Variants in PHF3 observed in about 807,000 individuals in gnomAD.
PHF3 encodes the protein PHD finger protein 3.
Under a neutral mutation model 178.4 loss-of-function variants are expected in PHF3, and 41 were observed. That is an observed-to-expected ratio of 0.23 (90% CI 0.18 to 0.30). PHF3 has a LOEUF of 0.30. PHF3 is among the 10% of genes least tolerant of loss of function. The pLI, the probability that PHF3 is intolerant of heterozygous loss-of-function variation, is 1.00. For missense variants in PHF3, 2,346 were observed against 2,398.1 expected, an observed-to-expected ratio of 0.98 and a Z score of 0.45; for synonymous variants, 842 against 800.5, an observed-to-expected ratio of 1.05 and a Z score of -0.88.
chr6:63,684,093 C>T, intron 3 of PHF3, 36 bp from the exon 4 acceptor site: 1 of 1,418,318 alleles, frequency 7.1e-7, no homozygotes, highest in Non-Finnish European at 9.6e-7. Context: ...GACAAAATAG[C>T]TAAGTATTTT....
At chr6:63,707,349 T>G (rs1238096642) in intron 13 of PHF3, among the ~76,000 whole-genome samples, 1 of 152,230 alleles carries the variant, frequency 6.6e-6, no homozygotes, top group Non-Finnish European at 1.5e-5. Flanking sequence ...AGTTGAAGCT[T>G]TACAGCTAGT....
At chr6:63,676,710 G>A (rs1056636280) in intron 2 of PHF3, among the ~76,000 whole-genome samples, 5 of 152,176 alleles carry the variant, frequency 3.3e-5, no homozygotes, top group Non-Finnish European at 5.9e-5. Context: ...AATGTGTTGG[G>A]AAGGTTTTAG....
intron 2 of PHF3, chr6:63,678,695 CCT>C (rs1485189639): frequency 3.4e-6 from 1 of 298,456 alleles, no homozygotes; most frequent in Non-Finnish European, 6.5e-6. Context: ...TCCATTCTTT[CCT>C]CTCTTTAAAT....
intron 13 of PHF3, among the ~76,000 whole-genome samples, chr6:63,707,773 AG>A (rs554107364): frequency 4.2e-4 from 64 of 151,166 alleles, no homozygotes; most frequent in Admixed American, 3.5e-3. Flanking sequence ...TCTTTGGATT[AG>A]GCTGCAATTA....
At chr6:63,677,741 C>G (rs1318381890) in intron 2 of PHF3, among the ~76,000 whole-genome samples, 1 of 152,162 alleles carries the variant, frequency 6.6e-6, no homozygotes, top group Non-Finnish European at 1.5e-5. Flanking sequence ...TAAAAAACAA[C>G]AGCAATGGCA....
At position 63,715,366 on chromosome 6, in the gene PHF3, A is replaced by G. The variant is rs1768154796; in HGVS notation, c.*1658A>G. The G allele has an allele frequency of 6.6e-6, 1 of 152,190 alleles. No individual in the cohort carries two copies. The highest frequency in any genetic ancestry group is 1.5e-5 in the Non-Finnish European group (1 of 68,034). 9.4% of individuals were successfully genotyped at this position (152,190 alleles called of 1,614,324 possible). ...AACAAAGTTAGTTCCCAAACAAAAC[A>G]AAATCTAAGTTATAATTTGCACCAT... On this transcript the variant is annotated 3_prime_UTR_variant, in exon 16 of 16. Transcript: ENST00000262043.
Position 63,685,432 on chromosome 6 carries a change from C to G in PHF3, c.1710C>G (p.Asn570Lys). The G allele has an allele frequency of 6.2e-7, 1 of 1,613,910 alleles. No homozygotes were observed. ...ATTCTGGGGTTAAATCTGTGAAAAA[C>G]CAAGCTCATTCTGTACTGAAAAAAA... ...SCNSGVKSVK[N>K]QAHSVLKKTL... Residue 570 changes from asparagine to lysine, a missense_variant, in exon 4 of 16, where the codon AAC becomes AAG. Physicochemically the swap from Asn to Lys is moderately conservative, Grantham distance 94 (BLOSUM62 0). Around this residue, in one of 8 missense-constraint regions of PHF3, gnomAD observed 843 missense variants for 795.2 expected, o/e 1.06. Coordinates refer to ENST00000262043, the MANE Select transcript of PHF3 (RefSeq NM_001370348.2).
chr6:63,656,049 A>T (rs764776610), intron 2 of PHF3, among the ~76,000 whole-genome samples: 1 of 152,264 alleles, frequency 6.6e-6, no homozygotes, highest in Non-Finnish European at 1.5e-5. Flanking sequence ...ACTCAGAGTT[A>T]AAACATACAC....
rs769933951 is a variant in PHF3, at chr6:63,684,228, C to T, written c.506C>T (p.Ala169Val). 1.2e-6 allele frequency: 2 copies of T among 1,613,960 alleles called. No homozygotes were observed. Among genetic ancestry groups the T allele is most frequent in the East Asian group, 2.2e-5 (1 of 44,870 alleles). ...KKASGKTVST[A>V]KAGVKQPERS... ...GCATCTGGGAAGACTGTATCTACTGCTAAAGCAGGAGTGAAACAACCAGAA... is the reference window on the plus strand; with the variant it reads ...GCATCTGGGAAGACTGTATCTACTGTTAAAGCAGGAGTGAAACAACCAGAA... Residue 169 changes from alanine to valine, a missense_variant, in exon 4 of 16, where the codon GCT becomes GTT. By Grantham distance (64) the Ala-to-Val change is moderately conservative. Coordinates refer to ENST00000262043, the MANE Select transcript of PHF3 (RefSeq NM_001370348.2).
At chr6:63,650,028 A>G (rs909003618) in intron 2 of PHF3, among the ~76,000 whole-genome samples, 9 of 152,232 alleles carry the variant, frequency 5.9e-5, no homozygotes, top group African/African-American at 2.2e-4. Flanking sequence ...GCTATGATTC[A>G]TAAGTGTGGA....
At chr6:63,680,398 A>ATTTTTTTTTTTTTTT (rs994238749) in intron 3 of PHF3, among the ~76,000 whole-genome samples, 1 of 117,600 alleles carries the variant, frequency 8.5e-6, no homozygotes, top group Non-Finnish European at 1.8e-5. Flanking sequence ...AGCTGGTTTA[A>ATTTTTTTTTTTTTTT]TTTTTTTTTT....
chr6:63,661,432 A>G (rs1582026792), intron 2 of PHF3, among the ~76,000 whole-genome samples: 1 of 152,238 alleles, frequency 6.6e-6, no homozygotes, highest in Non-Finnish European at 1.5e-5. Context: ...GAAGAATACA[A>G]TGTCCTGAAT....
In PHF3 at chr6:63,648,506, A is replaced by G. The variant is rs138210972; in HGVS notation, c.244+1711A>G. 3.9e-4 allele frequency among the ~76,000 whole-genome samples: 59 copies of G among 152,314 alleles called. No homozygotes were observed. In the East Asian group the frequency reaches 0.011, roughly 27 times the overall value. On this transcript the variant is annotated intron_variant, in intron 2 of 15. Coordinates refer to ENST00000262043, the MANE Select transcript of PHF3 (RefSeq NM_001370348.2). ...ATTTTACTTATAAAATTCCACCCCT[A>G]TAGTAATACCTGTATTCCTACTTCC... is the stretch of plus-strand genomic sequence containing the variant.
At chr6:63,660,909 T>A (rs529740549) in intron 2 of PHF3, among the ~76,000 whole-genome samples, 1 of 152,318 alleles carries the variant, frequency 6.6e-6, no homozygotes, top group South Asian at 2.1e-4. Context: ...TTTGTAGGCA[T>A]CTGTATAGGC....
chr6:63,702,690 A>G, intron 10 of PHF3, 51 bp downstream of exon 10: 2 of 1,527,124 alleles, frequency 1.3e-6, no homozygotes, highest in Non-Finnish European at 1.8e-6. Context: ...AGATTCAGAA[A>G]AGGTTTATTT....
chr6:63,665,787 C>T (rs1280588959), intron 2 of PHF3, among the ~76,000 whole-genome samples: 5 of 152,026 alleles, frequency 3.3e-5, no homozygotes, highest in African/African-American at 1.2e-4. Context: ...CTGCACCTGG[C>T]CTAAAATTAC....
intron 2 of PHF3, among the ~76,000 whole-genome samples, chr6:63,664,150 A>C (rs1218143413): frequency 6.6e-6 from 1 of 152,204 alleles, no homozygotes; most frequent in African/African-American, 2.4e-5. Context: ...GTCTGTGAGG[A>C]ATCTGAGATC....
At chr6:63,677,139 T>A (rs558186849) in intron 2 of PHF3, among the ~76,000 whole-genome samples, 3 of 152,154 alleles carry the variant, frequency 2.0e-5, no homozygotes, top group Non-Finnish European at 4.4e-5. Context: ...ATTAGACAAC[T>A]TAATGAAGAT....
chr6:63,637,637 T>TTCA (rs10651586), intron 1 of PHF3, among the ~76,000 whole-genome samples: 149,390 of 152,098 alleles, frequency 0.98, 73,392 homozygotes, highest in East Asian at 1. Context: ...GATTCTTTCC[T>TTCA]TCATCATCGT....
Sources: gnomAD v4.1 joint callset for allele counts (sites outside exome capture counted in the v4.1 genomes callset) on GRCh38, gnomAD v4.1.1 for gene constraint, gnomAD v4.1.1 regional missense constraint, MANE v1.5 for transcripts, NCBI Gene and HGNC (gene_info 2026-07-23, HGNC 2026-07-21) for gene names.